Variants in GCC2 observed in about 807,000 individuals in gnomAD.
GCC2 encodes the protein GRIP and coiled-coil domain-containing protein 2.
GCC2 carries 120 observed loss-of-function variants against 210.6 expected under a neutral mutation model. The observed-to-expected ratio is 0.57, with a 90% CI of 0.49 to 0.66. GCC2 has a LOEUF of 0.66. GCC2 is among the 30% of genes least tolerant of loss of function. The pLI is 0.00. For synonymous variants in GCC2, 703 were observed against 652.7 expected, an observed-to-expected ratio of 1.08 and a Z score of -1.17; for missense variants, 1,868 against 1,871.9, an observed-to-expected ratio of 1.00 and a Z score of 0.04.
At position 108,507,716 on chromosome 2, in the gene GCC2, AAG is replaced by A. The variant is rs1683273642; in HGVS notation, c.*87_*88del. On this transcript the variant is annotated 3_prime_UTR_variant, in exon 23 of 23. Coordinates refer to ENST00000309863, the MANE Select transcript of GCC2 (RefSeq NM_181453.4). ...ATATTACCACAATTCTTTTGTCAAA[AAG>A]TGTGTATATATGTTTGCATCTACAT... 1 of 953,668 alleles carries A rather than the reference AAG, an allele frequency of 1.0e-6. No homozygotes were observed. Among genetic ancestry groups the A allele is most frequent in the African/African-American group, 1.7e-5 (1 of 60,414 alleles). The allele number at this position is 953,668 out of a possible 1,614,324, so 59.1% of individuals were successfully genotyped here.
chr2:108,497,143 G>T, intron 21 of GCC2, 34 bp downstream of exon 21: 3 of 1,611,742 alleles, frequency 1.9e-6, no homozygotes, highest in Middle Eastern at 2.3e-4. Context: ...CGTGAAAACC[G>T]CCAGTTTGGT....
chr2:108,465,959 G>C (rs1341277449), intron 4 of GCC2, among the ~76,000 whole-genome samples: 1 of 152,062 alleles, frequency 6.6e-6, no homozygotes, highest in Non-Finnish European at 1.5e-5. Flanking sequence ...GGTTCAAGCT[G>C]TTCTCCCTCA....
chr2:108,464,406 G>C (rs555801799), intron 4 of GCC2, among the ~76,000 whole-genome samples: 187 of 152,318 alleles, frequency 1.2e-3, no homozygotes, highest in African/African-American at 4.4e-3. Flanking sequence ...CCATGGCACT[G>C]TGCTGCCACT....
In GCC2 at chr2:108,508,285, T is replaced by A. The variant is rs1683304869; in HGVS notation, c.*655T>A. 6.8e-6 allele frequency: 1 copy of A among 147,120 alleles called. No individual in the cohort carries two copies. Among genetic ancestry groups the A allele is most frequent in the Admixed American group, 7.2e-5 (1 of 13,846 alleles). 9.1% of individuals were successfully genotyped at this position (147,120 alleles called of 1,614,324 possible). ...AAGCTTTGTTGGTAAAAGTGACATG[T>A]TAAGGGGCTATGAAGTAAATATGCT... On this transcript the variant is annotated 3_prime_UTR_variant, in exon 23 of 23. Coordinates refer to ENST00000309863, the MANE Select transcript of GCC2 (RefSeq NM_181453.4).
chr2:108,485,853 A>C lies in GCC2; in HGVS notation c.3737A>C (p.Gln1246Pro). 6.3e-7 allele frequency: 1 copy of C among 1,590,748 alleles called. No individual in the cohort carries two copies. The highest frequency in any genetic ancestry group is 8.6e-7 in the Non-Finnish European group (1 of 1,166,304). ...KQAETDHLIL[Q>P]ASLKGELEAS... ...TAGGAAACTGATCACTTAATACTTC[A>C]AGCATCTTTAAAAGGTGAGCTGGAG... Residue 1246 changes from glutamine to proline, a missense_variant, in exon 15 of 23, where the codon CAA becomes CCA. This residue lies in a region of GCC2 where 1,847 missense variants were observed against 1,765.2 expected (regional missense o/e 1.05). Transcript: ENST00000309863.
chr2:108,490,620 T>C (rs1378362567), intron 18 of GCC2, among the ~76,000 whole-genome samples: 1 of 152,212 alleles, frequency 6.6e-6, no homozygotes, highest in Non-Finnish European at 1.5e-5. Context: ...ATATAATATA[T>C]ACCTAATCTT....
rs759512593 is a variant in GCC2 at position 108,483,182 on chromosome 2, A to G, written c.3450+16A>G. On this transcript the variant is annotated intron_variant, in intron 12 of 22. Coordinates refer to ENST00000309863, the MANE Select transcript of GCC2 (RefSeq NM_181453.4). ...GGTTAAAAAGGTAAAATAAAACACTAGGATCAAAATTGATGTAATATTCAC... is the reference window on the plus strand; with the variant it reads ...GGTTAAAAAGGTAAAATAAAACACTGGGATCAAAATTGATGTAATATTCAC... 8.5e-6 allele frequency: 10 copies of G among 1,176,298 alleles called. No homozygotes were observed. In the East Asian group the frequency reaches 2.1e-4, roughly 25 times the overall value. The allele number at this position is 1,176,298 out of a possible 1,614,324, so 72.9% of individuals were successfully genotyped here.
chr2:108,495,299 T>C lies in GCC2; in HGVS notation c.4456T>C (p.Ser1486Pro). The C allele has an allele frequency of 6.3e-7, 1 of 1,575,664 alleles. No individual in the cohort carries two copies. The highest frequency in any genetic ancestry group is 8.6e-7 in the Non-Finnish European group (1 of 1,167,840). ...KNEPTTRSPV[S>P]SQQSLKNLRE... ...TTAAAAAAATCTAATAGGCCCAGTTTCCTCTCAACAATCTTTGAAGAACCT... is the reference window on the plus strand; with the variant it reads ...TTAAAAAAATCTAATAGGCCCAGTTCCCTCTCAACAATCTTTGAAGAACCT... Residue 1486 changes from serine (S) to proline (P), a missense_variant, in exon 20 of 23, where the codon TCC becomes CCC. Ser to Pro is a moderately conservative substitution (Grantham distance 74). Coordinates refer to ENST00000309863, the MANE Select transcript of GCC2 (RefSeq NM_181453.4).
At chr2:108,505,716 A>G (rs1683148738) in intron 22 of GCC2, among the ~76,000 whole-genome samples, 1 of 151,730 alleles carries the variant, frequency 6.6e-6, no homozygotes, top group African/African-American at 2.4e-5. Flanking sequence ...GACCCCAGCC[A>G]TGCCAACATC....
At chr2:108,495,109 C>T (rs1165601828) in intron 19 of GCC2, 182 bp from the exon 20 acceptor site, 1 of 417,414 alleles carries the variant, frequency 2.4e-6, no homozygotes, top group East Asian at 4.4e-5. Flanking sequence ...CCACGCCCAG[C>T]TTTGATGACT....
intron 2 of GCC2, among the ~76,000 whole-genome samples, chr2:108,450,505 T>C (rs1359082612): frequency 6.6e-6 from 1 of 152,224 alleles, no homozygotes; most frequent in Non-Finnish European, 1.5e-5. Context: ...GGATATGGCC[T>C]GGTTTTTACG....
intron 15 of GCC2, among the ~76,000 whole-genome samples, chr2:108,486,114 C>T (rs1006322705): frequency 3.9e-5 from 6 of 151,980 alleles, no homozygotes; most frequent in African/African-American, 1.4e-4. Context: ...TTTGGAAATT[C>T]ATAATATACT....
intron 2 of GCC2, among the ~76,000 whole-genome samples, chr2:108,450,256 G>C (rs550714146): frequency 2.6e-5 from 4 of 152,156 alleles, no homozygotes; most frequent in African/African-American, 9.7e-5. Context: ...GAGACCACAG[G>C]CTTAAGCAAT....
At chr2:108,480,409 C>T (rs1011027750) in intron 9 of GCC2, among the ~76,000 whole-genome samples, 1 of 152,052 alleles carries the variant, frequency 6.6e-6, no homozygotes, top group Admixed American at 6.5e-5. Context: ...GGTATATACC[C>T]AAAGGAATGT....
In GCC2 at chr2:108,472,121, C is replaced by T. The variant is rs745348950; in HGVS notation, c.2787+5C>T. On this transcript the variant is annotated splice_donor_5th_base_variant and intron_variant, in intron 6 of 22. Coordinates refer to ENST00000309863, the MANE Select transcript of GCC2 (RefSeq NM_181453.4). ...GCAGAGTTGATACTATTAAAGGTACCATTCATTTGAATTCTATTGTTTCAA... is the reference window on the plus strand; with the variant it reads ...GCAGAGTTGATACTATTAAAGGTACTATTCATTTGAATTCTATTGTTTCAA... 5.4e-6 allele frequency: 8 copies of T among 1,471,990 alleles called. No homozygotes were observed. The East Asian group carries it at 1.9e-4, about 34-fold the overall frequency. 91.2% of individuals were successfully genotyped at this position (1,471,990 alleles called of 1,614,324 possible).
chr2:108,508,708 A>G lies in GCC2; in HGVS notation c.*1078A>G, dbSNP rs12779. On this transcript the variant is annotated 3_prime_UTR_variant, in exon 23 of 23. Coordinates refer to ENST00000309863, the MANE Select transcript of GCC2 (RefSeq NM_181453.4). ...TAGACACCTTAGAGGTCCGTGCTAC[A>G]TCGTCACAGTTCCTCCGAATAACCT... is the stretch of plus-strand genomic sequence containing the variant. The G allele has an allele frequency of 0.19, 28,893 of 152,394 alleles. 3,100 individuals carry two copies. Among genetic ancestry groups the G allele is most frequent in the African/African-American group, 0.27 (11,243 of 41,446 alleles). The allele number at this position is 152,394 out of a possible 1,614,324, so 9.4% of individuals were successfully genotyped here.
Position 108,492,613 on chromosome 2 carries a change from G to C in GCC2, c.4270G>C (p.Glu1424Gln). 1 of 1,613,638 alleles carries C rather than the reference G, an allele frequency of 6.2e-7. No individual in the cohort carries two copies. Reference sequence around the variant, plus strand: ...GTCAGAGAACATGATGATGAAATCTGAACATACACAGACTGTGAGTCAGCT... The same window carrying C: ...GTCAGAGAACATGATGATGAAATCTCAACATACACAGACTGTGAGTCAGCT... ...IQSENMMMKS[E>Q]HTQTVSQLTS... The change falls in exon 19 of 23, where the codon GAA (glutamate) becomes CAA (glutamine). Residue 1424 changes from glutamate (E) to glutamine (Q), a missense_variant. Physicochemically the swap from Glu to Gln is conservative, Grantham distance 29 (BLOSUM62 2). This residue lies in a region of GCC2 where 1,847 missense variants were observed against 1,765.2 expected (regional missense o/e 1.05). Transcript: ENST00000309863.
At chr2:108,495,506 A>G in intron 20 of GCC2, 21 bp downstream of exon 20, 1 of 1,503,052 alleles carries the variant, frequency 6.7e-7, no homozygotes, top group East Asian at 2.3e-5. Flanking sequence ...CTGTCTAAAT[A>G]TGTTTTTCTT....
At chr2:108,465,439 T>C (rs956571993) in intron 4 of GCC2, among the ~76,000 whole-genome samples, 11 of 152,206 alleles carry the variant, frequency 7.2e-5, no homozygotes, top group African/African-American at 2.4e-4. Context: ...GAGACTTTAG[T>C]GCACCCATCA....
Sources: allele counts gnomAD v4.1 joint callset (sites outside exome capture counted in the v4.1 genomes callset), GRCh38; gene constraint gnomAD v4.1.1; regional missense constraint gnomAD v4.1.1; transcripts MANE v1.5; gene names NCBI Gene and HGNC (gene_info 2026-07-23, HGNC 2026-07-21).